Variants in FBXO25 observed in about 807,000 individuals in gnomAD.
The protein encoded by FBXO25 is F-box protein 25.
Under a neutral mutation model 51.9 loss-of-function variants are expected in FBXO25, and 45 were observed. The ratio of observed to expected loss-of-function variants is 0.87; its 90% CI spans 0.68 to 1.11. The LOEUF (loss-of-function observed/expected upper bound fraction) is 1.11. Among genes scored for constraint, FBXO25 ranks in the 50% most tolerant of loss-of-function variants. The probability of loss-of-function intolerance (pLI) is 0.00; values close to 1 mark genes in which losing one functional copy is unlikely to be tolerated. For missense variants in FBXO25, 507 were observed against 428.5 expected, an observed-to-expected ratio of 1.18 and a Z score of -1.62; for synonymous variants, 199 against 151.0, an observed-to-expected ratio of 1.32 and a Z score of -2.33.
chr8:461,131 T>G (rs1799781904), intron 8 of FBXO25, among the ~76,000 whole-genome samples: 1 of 152,212 alleles, frequency 6.6e-6, no homozygotes, highest in Non-Finnish European at 1.5e-5. Flanking sequence ...TTAATTTCGC[T>G]AGCTCTGCAC....
chr8:464,301 G>T (rs1350306534), intron 9 of FBXO25, among the ~76,000 whole-genome samples: 1 of 152,062 alleles, frequency 6.6e-6, no homozygotes, highest in Non-Finnish European at 1.5e-5. Flanking sequence ...TCACCCTGGA[G>T]TGTGTTTCCA....
At chr8:456,763 C>T (rs1351124767) in intron 7 of FBXO25, among the ~76,000 whole-genome samples, 1 of 152,202 alleles carries the variant, frequency 6.6e-6, no homozygotes, top group Non-Finnish European at 1.5e-5. Context: ...GCTTGGAGTG[C>T]ATCACTGGCG....
intron 7 of FBXO25, among the ~76,000 whole-genome samples, chr8:458,022 G>A (rs1799566508): frequency 6.6e-6 from 1 of 152,234 alleles, no homozygotes; most frequent in African/African-American, 2.4e-5. Flanking sequence ...CTAGGCAGCA[G>A]CGCCACATCC....
chr8:441,813 C>T (rs1171496366), intron 5 of FBXO25, among the ~76,000 whole-genome samples: 2 of 152,134 alleles, frequency 1.3e-5, no homozygotes, highest in East Asian at 1.9e-4. Context: ...AATGACATAC[C>T]ATCTCACACC....
chr8:411,504 C>T (rs1003686482), intron 1 of FBXO25, among the ~76,000 whole-genome samples: 4 of 152,086 alleles, frequency 2.6e-5, no homozygotes, highest in African/African-American at 9.7e-5. Flanking sequence ...TGTCTGAATG[C>T]TCATGATTTT....
intron 7 of FBXO25, among the ~76,000 whole-genome samples, chr8:455,411 G>A (rs748724353): frequency 1.3e-5 from 2 of 152,178 alleles, no homozygotes; most frequent in African/African-American, 4.8e-5. Context: ...AAGTGGGTGC[G>A]AGGGAAGGAA....
At position 473,203 on chromosome 8, in the gene FBXO25, C is replaced by T. The variant is rs925809389; in HGVS notation, c.*4399C>T. 1 of 152,316 alleles carries T rather than the reference C, an allele frequency of 6.6e-6. No individual in the cohort carries two copies. Among genetic ancestry groups the T allele is most frequent in the African/African-American group, 2.4e-5 (1 of 41,464 alleles). 9.4% of individuals were successfully genotyped at this position (152,316 alleles called of 1,614,324 possible). ...CCCTCAACTTTGGAAAGCAGTGTCC[C>T]CCCGCGTCCCATGGGCTAAATGCCA... On this transcript the variant is annotated 3_prime_UTR_variant, in exon 10 of 10. Transcript: ENST00000350302.
chr8:435,617 G>A lies in FBXO25; in HGVS notation c.291G>A (p.Arg97=), dbSNP rs779054336. The change falls in exon 5 of 10, where the codon AGG becomes AGA. Residue 97 remains arginine (R), a splice_region_variant and synonymous_variant. Coordinates refer to ENST00000350302, the MANE Select transcript of FBXO25 (RefSeq NM_183420.2). The part of the protein sequence containing the change: ...IYVHKESTKE[R]HGYCTLGEAF... ...TAACTTCTGTGTTGCTTTTCCAGAG[G>A]CATGGCTATTGCACCTTGGGAGAAG... 3.1e-6 allele frequency: 5 copies of A among 1,604,844 alleles called. No individual in the cohort carries two copies. The Admixed American group carries it at 7.0e-5, about 22-fold the overall frequency.
chr8:472,151 T>G lies in FBXO25; in HGVS notation c.*3347T>G, dbSNP rs562754297. On this transcript the variant is annotated 3_prime_UTR_variant, in exon 10 of 10. Transcript: ENST00000350302. ...AACATCCTTGTCTTGTTCCTCATCT[T>G]AGGGGAAAGCTTTCAGTCTCACCAT... The G allele has an allele frequency of 4.6e-5, 7 of 152,346 alleles. No homozygotes were observed. Among genetic ancestry groups the G allele is most frequent in the Admixed American group, 4.6e-4 (7 of 15,302 alleles). The allele number at this position is 152,346 out of a possible 1,614,324, so 9.4% of individuals were successfully genotyped here.
In FBXO25 at chr8:427,646, C is replaced by A. The variant is rs1225410763; in HGVS notation, c.135-3695C>A. ...GCTTGGCAGGGTTGCTTCCTACTGG[C>A]CACTCAGGGAAGTTGAGTTTATGAG... On this transcript the variant is annotated intron_variant, in intron 2 of 9. Coordinates refer to ENST00000350302, the MANE Select transcript of FBXO25 (RefSeq NM_183420.2). 2.0e-5 allele frequency among the ~76,000 whole-genome samples: 3 copies of A among 146,706 alleles called. No individual in the cohort carries two copies. The East Asian group carries it at 5.8e-4, about 29-fold the overall frequency.
In FBXO25 at chr8:477,244, C is replaced by CGT. The variant is rs1259839155; in HGVS notation, c.*8445_*8446dup. 6.6e-6 allele frequency: 1 copy of CGT among 152,204 alleles called. No homozygotes were observed. The highest frequency in any genetic ancestry group is 2.4e-5 in the African/African-American group (1 of 41,440). 9.4% of individuals were successfully genotyped at this position (152,204 alleles called of 1,614,324 possible). On this transcript the variant is annotated 3_prime_UTR_variant, in exon 10 of 10. Transcript: ENST00000350302. ...AAGGTCCATTTGCACTTGAGAAAAA[C>CGT]GTGTGTACTGCTGTTGTGTCTGTTA...
chr8:445,727 C>A (rs13273540), intron 5 of FBXO25, among the ~76,000 whole-genome samples: 5,009 of 152,220 alleles, frequency 0.033, 129 homozygotes, highest in Non-Finnish European at 0.051. Flanking sequence ...AGAAAACTAC[C>A]GGGCATGGTG....
At position 472,402 on chromosome 8, in the gene FBXO25, C is replaced by T. The variant is rs1800511024; in HGVS notation, c.*3598C>T. The T allele has an allele frequency of 1.3e-5, 2 of 152,234 alleles. No individual in the cohort carries two copies. Among genetic ancestry groups the T allele is most frequent in the South Asian group, 2.1e-4 (1 of 4,828 alleles). 9.4% of individuals were successfully genotyped at this position (152,234 alleles called of 1,614,324 possible). A position where few individuals can be genotyped will look rare whatever the true frequency, so the allele number is the denominator to read the frequency against. On this transcript the variant is annotated 3_prime_UTR_variant, in exon 10 of 10. Transcript: ENST00000350302. The stretch of plus-strand genomic sequence containing the variant: ...CCAACCTTGCATTCTTGGGTCAAAG[C>T]CCACTAAGTCATGGTTTATGATACC...
chr8:410,240 T>C (rs1563057509), intron 1 of FBXO25, among the ~76,000 whole-genome samples: 1 of 152,220 alleles, frequency 6.6e-6, no homozygotes, highest in Non-Finnish European at 1.5e-5. Flanking sequence ...AAACACACTT[T>C]ATTATATTAC....
intron 4 of FBXO25, among the ~76,000 whole-genome samples, chr8:434,780 G>A (rs1448831925): frequency 6.6e-6 from 1 of 152,210 alleles, no homozygotes; most frequent in Non-Finnish European, 1.5e-5. Context: ...GAAACCTAGT[G>A]TGCTAATCTA....
chr8:434,120 G>A (rs1797970076), intron 4 of FBXO25, among the ~76,000 whole-genome samples: 1 of 152,190 alleles, frequency 6.6e-6, no homozygotes, highest in African/African-American at 2.4e-5. Context: ...TAACAAGGCT[G>A]AGAGGGACCA....
At chr8:462,842 C>T (rs1799901566) in intron 8 of FBXO25, among the ~76,000 whole-genome samples, 165 bp from the exon 9 acceptor site, 1 of 152,132 alleles carries the variant, frequency 6.6e-6, no homozygotes, top group Non-Finnish European at 1.5e-5. Flanking sequence ...CAGACTTCAG[C>T]ACTGTACAAT....
chr8:454,869 T>TGACAGAGG (rs1294272022), intron 7 of FBXO25, among the ~76,000 whole-genome samples: 2 of 131,144 alleles, frequency 1.5e-5, no homozygotes, highest in African/African-American at 6.3e-5. Flanking sequence ...CCAGCCTGGG[T>TGACAGAGG]GACAGAGGGA....
At chr8:414,309 C>G (rs532049709) in intron 2 of FBXO25, among the ~76,000 whole-genome samples, 83 of 152,154 alleles carry the variant, frequency 5.5e-4, no homozygotes, top group African/African-American at 2.0e-3. Flanking sequence ...TATGAATTTT[C>G]TAGGTCATTT....
Sources: gnomAD v4.1 joint callset for allele counts (sites outside exome capture counted in the v4.1 genomes callset) on GRCh38, gnomAD v4.1.1 for gene constraint, MANE v1.5 for transcripts, NCBI Gene and HGNC (gene_info 2026-07-23, HGNC 2026-07-21) for gene names.